Variants in METTL4 observed in about 807,000 individuals in gnomAD.
METTL4 encodes N(6)-adenine-specific methyltransferase METTL4.
METTL4 carries 40 observed loss-of-function variants against 54.0 expected under a neutral mutation model. The observed-to-expected ratio is 0.74, with a 90% CI of 0.58 to 0.96. The LOEUF (loss-of-function observed/expected upper bound fraction) is 0.96. Among genes scored for constraint, METTL4 ranks in the 50% least tolerant of loss-of-function variants. The pLI is 0.00. For synonymous variants in METTL4, 169 were observed against 183.8 expected (o/e 0.92, Z 0.65); for missense variants, 525 against 549.0 (o/e 0.96, Z 0.44).
Position 2,537,703 on chromosome 18 carries a change from CA to C in METTL4, c.*1296del. The C allele has an allele frequency of 2.5e-6, 1 of 395,478 alleles. No homozygotes were observed. The highest frequency in any genetic ancestry group is 4.5e-6 in the Non-Finnish European group (1 of 224,598). 24.5% of individuals were successfully genotyped at this position (395,478 alleles called of 1,614,324 possible). ...AAAATCAGTAAATTGGCAAGCTTGT[CA>C]AAGAATCATTTCAGTCTAACATTTT... On this transcript the variant is annotated 3_prime_UTR_variant, in exon 9 of 9. Transcript: ENST00000574538.
intron 2 of METTL4, 54 bp downstream of exon 2, chr18:2,566,767 T>C (rs1421162146): frequency 2.2e-6 from 3 of 1,363,978 alleles, no homozygotes; most frequent in Non-Finnish European, 2.9e-6. Context: ...ATTTAGATAA[T>C]AAATCTCAAT....
intron 8 of METTL4, among the ~76,000 whole-genome samples, chr18:2,541,093 T>C (rs946223370): frequency 6.6e-6 from 1 of 152,224 alleles, no homozygotes; most frequent in African/African-American, 2.4e-5. Flanking sequence ...AGTTTTTGCA[T>C]GGTTCTTTTC....
At chr18:2,556,393 G>A (rs1318400485) in intron 3 of METTL4, among the ~76,000 whole-genome samples, 1 of 151,716 alleles carries the variant, frequency 6.6e-6, no homozygotes, top group Non-Finnish European at 1.5e-5. Context: ...CAGTTGCAAA[G>A]AAACTTTTTC....
intron 2 of METTL4, among the ~76,000 whole-genome samples, chr18:2,564,111 G>C (rs2072364883): frequency 6.6e-6 from 1 of 152,026 alleles, no homozygotes; most frequent in Non-Finnish European, 1.5e-5. Flanking sequence ...CTATTAATAA[G>C]AACTAGTTCT....
chr18:2,564,864 C>CTTGTTTATAG lies in METTL4; in HGVS notation c.397-1006_397-1005insCTATAAACAA, dbSNP rs1222681573. 1.4e-4 allele frequency among the ~76,000 whole-genome samples: 22 copies of CTTGTTTATAG among 152,222 alleles called. No homozygotes were observed. In the East Asian group the frequency reaches 4.2e-3, roughly 29 times the overall value. On this transcript the variant is annotated intron_variant, in intron 2 of 8. Transcript: ENST00000574538. ...CCCATACCCTGTAAACTATAAAGTC[C>CTTGTTTATAG]TTTACAAAGGCTTGTTATTATCTGA...
chr18:2,557,069 A>T (rs1052892352), intron 3 of METTL4, among the ~76,000 whole-genome samples: 17 of 152,250 alleles, frequency 1.1e-4, no homozygotes, highest in African/African-American at 2.9e-4. Context: ...GCCTGGAGAG[A>T]GTTTCCAGGC....
intron 2 of METTL4, among the ~76,000 whole-genome samples, chr18:2,565,611 A>C (rs945026152): frequency 7.2e-5 from 11 of 152,330 alleles, no homozygotes; most frequent in Admixed American, 2.0e-4. Context: ...CCTTATTCTA[A>C]TTCTCAACAA....
intron 5 of METTL4, among the ~76,000 whole-genome samples, chr18:2,551,755 AG>A (rs1488743296): frequency 2.0e-5 from 3 of 152,210 alleles, no homozygotes; most frequent in African/African-American, 7.2e-5. Context: ...CTACTGGCAC[AG>A]CTCATAAACA....
chr18:2,543,232 C>A (rs527759983), intron 8 of METTL4, among the ~76,000 whole-genome samples: 1 of 152,116 alleles, frequency 6.6e-6, no homozygotes, highest in Non-Finnish European at 1.5e-5. Flanking sequence ...TTCTCCATTT[C>A]CCAGGTCATA....
intron 8 of METTL4, among the ~76,000 whole-genome samples, chr18:2,542,322 C>T (rs2143470617): frequency 6.6e-6 from 1 of 151,494 alleles, no homozygotes; most frequent in South Asian, 2.1e-4. Context: ...CGTCGTCTAG[C>T]ATTAGGTATA....
At chr18:2,563,647 ACTAT>A in intron 3 of METTL4, 146 bp downstream of exon 3, 1 of 461,988 alleles carries the variant, frequency 2.2e-6, no homozygotes, top group Non-Finnish European at 3.8e-6. Context: ...ACTGTGCATT[ACTAT>A]AAAATTAACA....
chr18:2,537,834 T>C lies in METTL4; in HGVS notation c.*1166A>G. 2 of 398,452 alleles carry C rather than the reference T, an allele frequency of 5.0e-6. No individual in the cohort carries two copies. Among genetic ancestry groups the C allele is most frequent in the Non-Finnish European group, 8.9e-6 (2 of 225,986 alleles). The allele number at this position is 398,452 out of a possible 1,614,324, so 24.7% of individuals were successfully genotyped here. A position where few individuals can be genotyped will look rare whatever the true frequency, so the allele number is the denominator to read the frequency against. On this transcript the variant is annotated 3_prime_UTR_variant, in exon 9 of 9. Transcript: ENST00000574538. Reference sequence around the variant, plus strand: ...CACAATAGATTACACATTGCATGATTCCATTTATATGAAATTCTCAAACAG... The same window carrying C: ...CACAATAGATTACACATTGCATGATCCCATTTATATGAAATTCTCAAACAG...
intron 3 of METTL4, among the ~76,000 whole-genome samples, chr18:2,557,705 T>C (rs2072258989): frequency 1.3e-5 from 2 of 152,274 alleles, no homozygotes; most frequent in South Asian, 4.1e-4. Context: ...CATCTAACTA[T>C]GTTGATTGCC....
chr18:2,558,408 C>T (rs533230643), intron 3 of METTL4, among the ~76,000 whole-genome samples: 1 of 152,070 alleles, frequency 6.6e-6, no homozygotes, highest in South Asian at 2.1e-4. Flanking sequence ...CAGAAAATAA[C>T]TTTTTATTGA....
rs549767871 is a variant in METTL4 at position 2,547,117 on chromosome 18, A to G, written c.1074+238T>C. The stretch of plus-strand genomic sequence containing the variant: ...CAGAGCTTTTAAAAATTTTATCCTG[A>G]TATCTTCCAGACTGACTTCCCAAAG... On this transcript the variant is annotated intron_variant, in intron 6 of 8. Coordinates refer to ENST00000574538, the MANE Select transcript of METTL4 (RefSeq NM_022840.5). Among the ~76,000 whole-genome samples, 4 of 152,240 alleles carry G rather than the reference A, an allele frequency of 2.6e-5. No individual in the cohort carries two copies. In the South Asian group the frequency reaches 8.3e-4, roughly 32 times the overall value.
chr18:2,549,955 T>C (rs1351351987), intron 5 of METTL4, among the ~76,000 whole-genome samples: 4 of 151,270 alleles, frequency 2.6e-5, no homozygotes, highest in Non-Finnish European at 5.9e-5. Flanking sequence ...AATCATACCA[T>C]TGCACTCCAG....
intron 3 of METTL4, 125 bp downstream of exon 3, chr18:2,563,670 ATT>A (rs2072357414): frequency 5.8e-6 from 3 of 517,648 alleles, no homozygotes; most frequent in Admixed American, 3.9e-5. Flanking sequence ...CAATAAATAT[ATT>A]AAGTGCTAAG....
At chr18:2,566,039 T>C (rs1185062740) in intron 2 of METTL4, among the ~76,000 whole-genome samples, 1 of 62,682 alleles carries the variant, frequency 1.6e-5, no homozygotes, top group African/African-American at 5.5e-5. Flanking sequence ...AGAGCAAGAC[T>C]CTGTCTCAAA....
chr18:2,540,687 C>A (rs1376361429), intron 8 of METTL4: 4 of 985,260 alleles, frequency 4.1e-6, no homozygotes, highest in Non-Finnish European at 4.8e-6. Context: ...AAAGATTTCC[C>A]TAGAGTCTTG....
Sources: gnomAD v4.1 joint callset for allele counts (sites outside exome capture counted in the v4.1 genomes callset) on GRCh38, gnomAD v4.1.1 for gene constraint, MANE v1.5 for transcripts, NCBI Gene and HGNC (gene_info 2026-07-23, HGNC 2026-07-21) for gene names.